Variants in PRSS23 observed in about 807,000 individuals in gnomAD.
PRSS23 encodes protease, serine 23.
Under a neutral mutation model 34.7 loss-of-function variants are expected in PRSS23, and 25 were observed. The ratio of observed to expected loss-of-function variants is 0.72; its 90% confidence interval spans 0.53 to 1.01. The LOEUF (loss-of-function observed/expected upper bound fraction) is 1.01. PRSS23 is among the 50% of genes least tolerant of loss of function. The probability of loss-of-function intolerance (pLI) is 0.00; values close to 1 mark genes in which losing one functional copy is unlikely to be tolerated. For synonymous variants in PRSS23, 176 were observed against 186.6 expected, an observed-to-expected ratio of 0.94 and a Z score of 0.46; for missense variants, 445 against 475.6, an observed-to-expected ratio of 0.94 and a Z score of 0.60.
At chr11:86,923,537 T>C (rs1407643516) in intron 2 of PRSS23, among the ~76,000 whole-genome samples, 2 of 152,208 alleles carry the variant, frequency 1.3e-5, no homozygotes, top group South Asian at 2.1e-4. Flanking sequence ...TGAATATGTA[T>C]ATCTCAGACT....
chr11:86,924,507 G>T (rs1252372023), intron 2 of PRSS23, among the ~76,000 whole-genome samples: 1 of 152,216 alleles, frequency 6.6e-6, no homozygotes, highest in Non-Finnish European at 1.5e-5. Context: ...TACTGCGCTT[G>T]CATTGGAGCC....
At chr11:86,868,125 G>T (rs1488364640) in intron 2 of PRSS23, among the ~76,000 whole-genome samples, 1 of 152,146 alleles carries the variant, frequency 6.6e-6, no homozygotes, top group Non-Finnish European at 1.5e-5. Context: ...AGGCATTTGA[G>T]ACCACAAGGA....
At chr11:86,829,055 G>A (rs1315565459) in intron 2 of PRSS23, among the ~76,000 whole-genome samples, 2 of 152,232 alleles carry the variant, frequency 1.3e-5, no homozygotes, top group East Asian at 3.9e-4. Flanking sequence ...TTGCTATATT[G>A]GGAAGTTGTC....
intron 2 of PRSS23, among the ~76,000 whole-genome samples, chr11:86,888,206 A>G (rs1948818247): frequency 6.6e-6 from 1 of 151,748 alleles, no homozygotes; most frequent in African/African-American, 2.4e-5. Context: ...TTTACAGGGG[A>G]GGCAACATTT....
At chr11:86,817,145 AT>A (rs996926944) in intron 1 of PRSS23, among the ~76,000 whole-genome samples, 4 of 151,498 alleles carry the variant, frequency 2.6e-5, no homozygotes, top group East Asian at 1.9e-4. Context: ...TTTTTTTGTG[AT>A]TTTTTTTATT....
intron 2 of PRSS23, among the ~76,000 whole-genome samples, chr11:86,919,163 T>G (rs560716018): frequency 6.6e-6 from 1 of 152,252 alleles, no homozygotes; most frequent in African/African-American, 2.4e-5. Context: ...GGCCCAGAAA[T>G]TTGCCCACAT....
chr11:86,860,474 G>A (rs911809443), intron 2 of PRSS23, among the ~76,000 whole-genome samples: 2 of 151,462 alleles, frequency 1.3e-5, no homozygotes, highest in African/African-American at 2.4e-5. Context: ...AATATCAAGG[G>A]GGGAGAAGAT....
chr11:86,879,642 G>T (rs1459708690), intron 2 of PRSS23, among the ~76,000 whole-genome samples: 1 of 137,390 alleles, frequency 7.3e-6, no homozygotes, highest in Non-Finnish European at 1.6e-5. Context: ...GAGCCCCTCT[G>T]CCCGGCCAGC....
rs1226287145 is a variant in PRSS23, at chr11:86,918,148, A to G, written c.207-33068A>G. ...CTGAAAATAAAAAGATATCACCTTC[A>G]CAAAGGATGAGCTCATTTACGTAGG... On this transcript the variant is annotated intron_variant, in intron 2 of 2. Transcript: ENST00000533902. Among the ~76,000 whole-genome samples the G allele has an allele frequency of 2.9e-4, 44 of 152,206 alleles. 1 individual carries two copies. Among genetic ancestry groups the G allele is most frequent in the Admixed American group, 2.9e-3 (44 of 15,280 alleles).
intron 2 of PRSS23, among the ~76,000 whole-genome samples, chr11:86,830,489 C>G (rs1186389843): frequency 6.6e-6 from 1 of 152,046 alleles, no homozygotes; most frequent in East Asian, 1.9e-4. Flanking sequence ...ACATGGTGCA[C>G]TGCACCCACT....
At chr11:86,899,664 G>A (rs903609409) in intron 2 of PRSS23, among the ~76,000 whole-genome samples, 9 of 151,982 alleles carry the variant, frequency 5.9e-5, no homozygotes, top group Non-Finnish European at 4.4e-5. Context: ...ACAGATGCCC[G>A]CCACCATGCC....
chr11:86,932,765 C>CTTCCT (rs1309780488), intron 2 of PRSS23: 6 of 152,238 alleles, frequency 3.9e-5, no homozygotes, highest in Admixed American at 1.3e-4. Flanking sequence ...CATCCCTGCA[C>CTTCCT]AAAGCAGAGC....
chr11:86,952,645 C>T, exon 3 of PRSS23: 1 of 621,458 alleles, frequency 1.6e-6, no homozygotes, highest in Non-Finnish European at 2.8e-6. Context: ...CCTGATAATC[C>T]ATCACTTACA....
At chr11:86,829,282 A>G (rs926485168) in intron 2 of PRSS23, among the ~76,000 whole-genome samples, 1 of 152,210 alleles carries the variant, frequency 6.6e-6, no homozygotes, top group Non-Finnish European at 1.5e-5. Context: ...CAAGTTGATC[A>G]CATCGGCTCC....
chr11:86,848,659 G>T (rs1298706498), intron 2 of PRSS23, among the ~76,000 whole-genome samples: 1 of 152,188 alleles, frequency 6.6e-6, no homozygotes, highest in Non-Finnish European at 1.5e-5. Flanking sequence ...CACCTAAGAA[G>T]CGGCCGATAT....
At chr11:86,943,932 G>A (rs906582049) in intron 2 of PRSS23, among the ~76,000 whole-genome samples, 2 of 151,890 alleles carry the variant, frequency 1.3e-5, no homozygotes, top group African/African-American at 4.8e-5. Flanking sequence ...GTAGAGACGG[G>A]GTTTTACCAT....
chr11:86,793,904 T>C (rs1373178961), intron 1 of PRSS23, among the ~76,000 whole-genome samples: 1 of 152,080 alleles, frequency 6.6e-6, no homozygotes, highest in East Asian at 1.9e-4. Context: ...AATTACAACA[T>C]AAGATATAAT....
At chr11:86,831,780 T>G (rs115325095) in intron 2 of PRSS23, among the ~76,000 whole-genome samples, 1,584 of 151,690 alleles carry the variant, frequency 0.01, 23 homozygotes, top group African/African-American at 0.036. Flanking sequence ...ATTTCTAATA[T>G]TCTAGAGAGA....
At chr11:86,858,261 G>A (rs569744025) in intron 2 of PRSS23, among the ~76,000 whole-genome samples, 6 of 151,750 alleles carry the variant, frequency 4.0e-5, no homozygotes, top group South Asian at 4.2e-4. Context: ...AATATCGCAC[G>A]GAATTTACAC....
Sources: gnomAD v4.1 joint callset for allele counts (sites outside exome capture counted in the v4.1 genomes callset) on GRCh38, gnomAD v4.1.1 for gene constraint, MANE v1.5 for transcripts, NCBI Gene and HGNC (gene_info 2026-07-23, HGNC 2026-07-21) for gene names.